Variants in PIP5K1B observed in about 807,000 individuals in gnomAD.
PIP5K1B encodes phosphatidylinositol-4-phosphate 5-kinase type 1 beta.
A neutral mutation model predicts 67.0 loss-of-function variants in PIP5K1B; 42 were observed. That is an observed-to-expected ratio of 0.63 (90% CI 0.49 to 0.81). PIP5K1B has a LOEUF of 0.81. PIP5K1B is among the 30% of genes least tolerant of loss of function. The pLI, the probability that PIP5K1B is intolerant of heterozygous loss-of-function variation, is 0.00. For missense variants in PIP5K1B, 459 were observed against 646.3 expected (o/e 0.71, Z 3.14); for synonymous variants, 214 against 231.4 (o/e 0.92, Z 0.68).
chr9:68,994,214 G>A (rs74468667), intron 15 of PIP5K1B, among the ~76,000 whole-genome samples: 86 of 151,650 alleles, frequency 5.7e-4, no homozygotes, highest in African/African-American at 1.9e-3. Context: ...CTAATTTTTC[G>A]TGTTTTCACT....
chr9:68,829,312 A>G (rs1435924289), intron 4 of PIP5K1B, among the ~76,000 whole-genome samples: 1 of 152,204 alleles, frequency 6.6e-6, no homozygotes, highest in Non-Finnish European at 1.5e-5. Flanking sequence ...TGTGCTAAGC[A>G]GCAGTTGTCA....
intron 9 of PIP5K1B, among the ~76,000 whole-genome samples, chr9:68,918,017 A>G (rs531752462): frequency 1.3e-5 from 2 of 152,258 alleles, no homozygotes; most frequent in Admixed American, 6.5e-5. Flanking sequence ...CCCATTAACT[A>G]CATATTCAAA....
intron 2 of PIP5K1B, among the ~76,000 whole-genome samples, chr9:68,790,617 C>T (rs948910350): frequency 1.3e-5 from 2 of 152,236 alleles, no homozygotes; most frequent in Non-Finnish European, 2.9e-5. Flanking sequence ...CACATACACA[C>T]ACGCACCCAC....
intron 15 of PIP5K1B, among the ~76,000 whole-genome samples, chr9:68,991,979 G>A (rs549459687): frequency 4.3e-5 from 6 of 140,038 alleles, no homozygotes; most frequent in Admixed American, 1.4e-4. Flanking sequence ...ATTTTTTTTG[G>A]GGGGGGGCAG....
At chr9:68,868,212 G>C (rs980966875) in intron 5 of PIP5K1B, among the ~76,000 whole-genome samples, 4 of 152,068 alleles carry the variant, frequency 2.6e-5, no homozygotes, top group Non-Finnish European at 5.9e-5. Context: ...GGGATCAGAA[G>C]CTCAAGGTTA....
chr9:68,939,279 G>A (rs1827435645), intron 13 of PIP5K1B, among the ~76,000 whole-genome samples: 1 of 152,220 alleles, frequency 6.6e-6, no homozygotes, highest in African/African-American at 2.4e-5. Context: ...CTGGACAGAT[G>A]TGTTTTGCTC....
chr9:68,763,379 C>G (rs1348988012), intron 2 of PIP5K1B, among the ~76,000 whole-genome samples: 2 of 152,078 alleles, frequency 1.3e-5, no homozygotes, highest in Admixed American at 1.3e-4. Flanking sequence ...AACAACACTA[C>G]CTACCTTGTG....
intron 4 of PIP5K1B, among the ~76,000 whole-genome samples, chr9:68,833,974 A>T (rs1452410553): frequency 6.6e-6 from 1 of 152,240 alleles, no homozygotes; most frequent in African/African-American, 2.4e-5. Context: ...CAAATTGCAG[A>T]TGCATAGGCA....
intron 4 of PIP5K1B, among the ~76,000 whole-genome samples, chr9:68,831,003 C>T (rs1002333862): frequency 2.0e-5 from 3 of 152,146 alleles, no homozygotes; most frequent in Non-Finnish European, 4.4e-5. Context: ...TTTAAGGTGG[C>T]TCTTAAGAAG....
At chr9:68,803,596 C>G (rs1173664236) in intron 2 of PIP5K1B, among the ~76,000 whole-genome samples, 1 of 152,204 alleles carries the variant, frequency 6.6e-6, no homozygotes, top group Non-Finnish European at 1.5e-5. Flanking sequence ...GGGCAAAGAG[C>G]AAATGCCAAG....
intron 14 of PIP5K1B, among the ~76,000 whole-genome samples, chr9:68,989,094 CAA>C (rs71353097): frequency 3.5e-3 from 194 of 55,954 alleles, no homozygotes; most frequent in African/African-American, 0.013. Flanking sequence ...GACTCCGTCT[CAA>C]AAAAAAAAAA....
chr9:68,993,019 G>A (rs1220727491), intron 15 of PIP5K1B, among the ~76,000 whole-genome samples: 2 of 151,682 alleles, frequency 1.3e-5, no homozygotes, highest in African/African-American at 4.8e-5. Context: ...AAAATTAGCC[G>A]GGCGTGGTGG....
chr9:69,008,562 A>G lies in PIP5K1B; in HGVS notation c.*113A>G, dbSNP rs889938327. The G allele has an allele frequency of 9.0e-6, 9 of 999,596 alleles. No homozygotes were observed. The highest frequency in any genetic ancestry group is 1.3e-5 in the South Asian group (1 of 77,866). The allele number at this position is 999,596 out of a possible 1,614,324, so 61.9% of individuals were successfully genotyped here. On this transcript the variant is annotated 3_prime_UTR_variant, in exon 16 of 16. Transcript: ENST00000265382. ...AACTTGGCTGAGCCCCACTACACAC[A>G]GAGAAATCATCAACCTGACTTAAGA...
At chr9:68,981,788 C>G (rs1299562476) in intron 14 of PIP5K1B, among the ~76,000 whole-genome samples, 4 of 149,942 alleles carry the variant, frequency 2.7e-5, no homozygotes, top group African/African-American at 9.9e-5. Context: ...TGCTGATAAC[C>G]AAAAGAATCT....
In PIP5K1B at chr9:68,847,325, T is replaced by C. The variant is rs573856368; in HGVS notation, c.70-16512T>C. On this transcript the variant is annotated intron_variant, in intron 4 of 15. Coordinates refer to ENST00000265382, the MANE Select transcript of PIP5K1B (RefSeq NM_003558.4). ...GTATGCCACTGATATTTCCAGAGTA[T>C]ATTAAGTTTCCATGCTGGTTTCCAC... Among the ~76,000 whole-genome samples the C allele has an allele frequency of 3.3e-5, 5 of 151,228 alleles. No individual in the cohort carries two copies. The East Asian group carries it at 9.7e-4, about 29-fold the overall frequency.
chr9:68,883,271 G>A (rs1050032140), intron 6 of PIP5K1B, among the ~76,000 whole-genome samples: 1 of 152,236 alleles, frequency 6.6e-6, no homozygotes, highest in African/African-American at 2.4e-5. Context: ...GGCTGGGCAA[G>A]TGCTCTCTGA....
intron 15 of PIP5K1B, among the ~76,000 whole-genome samples, chr9:68,998,583 C>G (rs2133007391): frequency 6.6e-6 from 1 of 152,250 alleles, no homozygotes; most frequent in Non-Finnish European, 1.5e-5. Flanking sequence ...CTTTCCAACT[C>G]TTGGGAATAG....
At chr9:68,970,190 G>A (rs539871985) in intron 14 of PIP5K1B, among the ~76,000 whole-genome samples, 1 of 152,258 alleles carries the variant, frequency 6.6e-6, no homozygotes, top group South Asian at 2.1e-4. Flanking sequence ...AAGGATGATG[G>A]TAACTTTCTA....
Position 68,889,049 on chromosome 9 carries a change from G to A in PIP5K1B, c.387G>A (p.Val129=), listed in dbSNP as rs1454834451. Residue 129 remains valine, a synonymous_variant, in exon 7 of 16, where the codon GTG becomes GTA. Transcript: ENST00000265382. ...NPGASGSLFF[V]TSDDEFIIKT... The stretch of plus-strand genomic sequence containing the variant: ...GAGCCAGTGGATCCTTGTTTTTTGT[G>A]ACCAGTGATGATGAATTTATCATCA... 6.2e-7 allele frequency: 1 copy of A among 1,612,780 alleles called. No individual in the cohort carries two copies. The highest frequency in any genetic ancestry group is 8.5e-7 in the Non-Finnish European group (1 of 1,178,896).
Sources: gnomAD v4.1 joint callset for allele counts (sites outside exome capture counted in the v4.1 genomes callset) on GRCh38, gnomAD v4.1.1 for gene constraint, MANE v1.5 for transcripts, NCBI Gene and HGNC (gene_info 2026-07-23, HGNC 2026-07-21) for gene names.